ALK: variants seen among roughly 807,000 people sequenced by gnomAD.
The protein encoded by ALK is ALK tyrosine kinase receptor.
Under a neutral mutation model 163.1 loss-of-function variants are expected in ALK, and 74 were observed. The ratio of observed to expected loss-of-function variants is 0.45; its 90% CI spans 0.38 to 0.55. ALK has a LOEUF of 0.55. Ranked by LOEUF, ALK falls within the 20% of genes least tolerant of loss-of-function variation. The pLI is 0.00. For missense variants in ALK, 2,063 were observed against 2,105.3 expected, an observed-to-expected ratio of 0.98 and a Z score of 0.39; for synonymous variants, 960 against 843.2, an observed-to-expected ratio of 1.14 and a Z score of -2.40.
chr2:29,607,416 G>A (rs1675569520), intron 3 of ALK, among the ~76,000 whole-genome samples: 1 of 152,102 alleles, frequency 6.6e-6, no homozygotes, highest in Non-Finnish European at 1.5e-5. Context: ...CATTTCTGCT[G>A]ACATTTGCAA....
intron 3 of ALK, among the ~76,000 whole-genome samples, chr2:29,630,237 C>G (rs1676323811): frequency 6.6e-6 from 1 of 152,132 alleles, no homozygotes; most frequent in African/African-American, 2.4e-5. Context: ...TTTCTCCTAG[C>G]TTCTGCCAAG....
chr2:29,442,171 G>A (rs568505279), intron 4 of ALK, among the ~76,000 whole-genome samples: 1 of 152,190 alleles, frequency 6.6e-6, no homozygotes, highest in Non-Finnish European at 1.5e-5. Context: ...TCGTGATAAT[G>A]ACACTTGACC....
chr2:29,604,163 G>GTT (rs34399929), intron 3 of ALK, among the ~76,000 whole-genome samples: 7,975 of 138,076 alleles, frequency 0.058, 336 homozygotes, highest in African/African-American at 0.12. Flanking sequence ...GAATAGAGAA[G>GTT]TTTTTTTTTT....
chr2:29,374,490 T>G (rs1353329230), intron 5 of ALK, among the ~76,000 whole-genome samples: 1 of 150,330 alleles, frequency 6.7e-6, no homozygotes, highest in Admixed American at 6.6e-5. Flanking sequence ...AAAAAGACAG[T>G]CTTTGATTTT....
At chr2:29,409,290 T>C (rs749278822) in intron 4 of ALK, among the ~76,000 whole-genome samples, 13 of 151,764 alleles carry the variant, frequency 8.6e-5, no homozygotes, top group Non-Finnish European at 1.6e-4. Context: ...GAGAAGAGAG[T>C]GTTCTCTAAG....
intron 26 of ALK, among the ~76,000 whole-genome samples, chr2:29,204,377 A>G (rs1286631886): frequency 6.6e-6 from 1 of 151,860 alleles, no homozygotes; most frequent in Non-Finnish European, 1.5e-5. Flanking sequence ...CTTGACTATG[A>G]CAACACCTCC....
chr2:29,913,069 C>A (rs1667748455), intron 1 of ALK, among the ~76,000 whole-genome samples: 2 of 151,962 alleles, frequency 1.3e-5, no homozygotes, highest in African/African-American at 4.8e-5. Context: ...TTTATTCTTA[C>A]TCTAAGGATT....
chr2:29,414,670 ATTGT>A (rs1008999149), intron 4 of ALK, among the ~76,000 whole-genome samples: 2 of 152,218 alleles, frequency 1.3e-5, no homozygotes, highest in Admixed American at 1.3e-4. Flanking sequence ...GAGCACATTG[ATTGT>A]TTGTGTGTGA....
At chr2:29,781,934 G>A (rs186029980) in intron 1 of ALK, among the ~76,000 whole-genome samples, 1 of 152,278 alleles carries the variant, frequency 6.6e-6, no homozygotes, top group East Asian at 1.9e-4. Context: ...CCGACAGCCT[G>A]AGTGCAAGCT....
intron 1 of ALK, among the ~76,000 whole-genome samples, chr2:29,856,700 G>A (rs1439478776): frequency 6.6e-6 from 1 of 152,216 alleles, no homozygotes; most frequent in Non-Finnish European, 1.5e-5. Context: ...GAAGGGATGA[G>A]TGGGTGCATC....
chr2:29,668,636 A>C (rs979787192), intron 3 of ALK, among the ~76,000 whole-genome samples: 1 of 152,058 alleles, frequency 6.6e-6, no homozygotes, highest in Non-Finnish European at 1.5e-5. Flanking sequence ...AATTCTTTGA[A>C]CTTGTTCAGC....
At chr2:29,328,852 C>T (rs1667354614) in intron 5 of ALK, among the ~76,000 whole-genome samples, 3 of 152,240 alleles carry the variant, frequency 2.0e-5, no homozygotes, top group African/African-American at 7.2e-5. Context: ...GATAGCTCCA[C>T]CCTCAAGGTC....
At chr2:29,735,677 C>A (rs766583935) in intron 1 of ALK, among the ~76,000 whole-genome samples, 1 of 151,968 alleles carries the variant, frequency 6.6e-6, no homozygotes, top group East Asian at 1.9e-4. Flanking sequence ...ACGGCAGTTA[C>A]CCCCATGCTG....
chr2:29,434,151 G>T (rs533420071), intron 4 of ALK, among the ~76,000 whole-genome samples: 237 of 152,128 alleles, frequency 1.6e-3, no homozygotes, highest in Non-Finnish European at 2.7e-3. Flanking sequence ...TATTATCCTT[G>T]GTTGGAAAGG....
At chr2:29,202,145 C>T (rs1482934672) in intron 26 of ALK, among the ~76,000 whole-genome samples, 1 of 152,170 alleles carries the variant, frequency 6.6e-6, no homozygotes, top group Non-Finnish European at 1.5e-5. Flanking sequence ...CCTCAGCAAG[C>T]AAGCTAGGCT....
intron 8 of ALK, among the ~76,000 whole-genome samples, chr2:29,303,289 A>C (rs1425433591): frequency 6.6e-6 from 1 of 152,232 alleles, no homozygotes; most frequent in African/African-American, 2.4e-5. Flanking sequence ...AAAACTGCTC[A>C]ACAACGCTAA....
chr2:29,883,855 G>C (rs979835524), intron 1 of ALK, among the ~76,000 whole-genome samples: 6 of 151,856 alleles, frequency 4.0e-5, no homozygotes, highest in Non-Finnish European at 7.4e-5. Flanking sequence ...ACATAGCCTG[G>C]AAATATCAAA....
intron 1 of ALK, among the ~76,000 whole-genome samples, chr2:29,723,504 C>T (rs1264128679): frequency 1.3e-5 from 2 of 152,210 alleles, no homozygotes; most frequent in Non-Finnish European, 2.9e-5. Context: ...CTGCACTAGT[C>T]ACTGCTATGT....
chr2:29,389,108 T>C (rs1669099893), intron 4 of ALK, among the ~76,000 whole-genome samples: 1 of 152,248 alleles, frequency 6.6e-6, no homozygotes, highest in Non-Finnish European at 1.5e-5. Context: ...TACTGGTGCA[T>C]TGTTGCACAC....
Sources: gnomAD v4.1 joint callset for allele counts (sites outside exome capture counted in the v4.1 genomes callset) on GRCh38, gnomAD v4.1.1 for gene constraint, MANE v1.5 for transcripts, NCBI Gene and HGNC (gene_info 2026-07-23, HGNC 2026-07-21) for gene names.